The following DGKG variants were observed in gnomAD, a reference collection of about 807,000 sequenced individuals.
The protein encoded by DGKG is DAG kinase gamma.
DGKG carries 78 observed loss-of-function variants against 105.3 expected under a neutral mutation model. The ratio of observed to expected loss-of-function variants is 0.74; its 90% confidence interval spans 0.62 to 0.89. The LOEUF is 0.89. Among genes scored for constraint, DGKG ranks in the 40% least tolerant of loss-of-function variants. The pLI, the probability that DGKG is intolerant of heterozygous loss-of-function variation, is 0.00. For missense variants in DGKG, 958 were observed against 1,020.1 expected, an observed-to-expected ratio of 0.94 and a Z score of 0.83; for synonymous variants, 346 against 367.1, an observed-to-expected ratio of 0.94 and a Z score of 0.66.
At chr3:186,207,596 C>T (rs529378743) in intron 21 of DGKG, 18 of 422,990 alleles carry the variant, frequency 4.3e-5, no homozygotes, top group Non-Finnish European at 5.7e-5. Context: ...GGTAGACTAA[C>T]CCCTATGCCC....
intron 21 of DGKG, among the ~76,000 whole-genome samples, chr3:186,204,240 C>A (rs1718613858): frequency 6.6e-6 from 1 of 152,128 alleles, no homozygotes; most frequent in Admixed American, 6.5e-5. Flanking sequence ...GAAACCCCAT[C>A]TCTACAAATA....
At chr3:186,167,022 G>T (rs1219951468) in intron 22 of DGKG, among the ~76,000 whole-genome samples, 3 of 152,124 alleles carry the variant, frequency 2.0e-5, no homozygotes, top group Non-Finnish European at 4.4e-5. Context: ...TAACTCCGAA[G>T]TTGTTATCAC....
chr3:186,240,051 C>G (rs568924185), intron 20 of DGKG, among the ~76,000 whole-genome samples: 1 of 152,158 alleles, frequency 6.6e-6, no homozygotes, highest in South Asian at 2.1e-4. Context: ...TCCTTGCTTT[C>G]TGGGAATTAC....
intron 17 of DGKG, among the ~76,000 whole-genome samples, chr3:186,256,027 C>T (rs1332551494): frequency 3.9e-5 from 6 of 152,142 alleles, no homozygotes; most frequent in South Asian, 4.1e-4. Flanking sequence ...TAAAGCTCTC[C>T]GCCAAAGCCT....
At chr3:186,352,542 C>T (rs762423459) in intron 1 of DGKG, among the ~76,000 whole-genome samples, 5 of 152,182 alleles carry the variant, frequency 3.3e-5, no homozygotes, top group Non-Finnish European at 5.9e-5. Context: ...TCAAAGTTAA[C>T]GTGCCCTGAA....
At chr3:186,222,617 C>T (rs1439376956) in intron 20 of DGKG, among the ~76,000 whole-genome samples, 9 of 152,104 alleles carry the variant, frequency 5.9e-5, no homozygotes, top group African/African-American at 1.7e-4. Context: ...CTGAGGCGGG[C>T]GGATCACTTG....
chr3:186,290,503 A>T (rs999705242), intron 5 of DGKG, among the ~76,000 whole-genome samples: 1 of 152,228 alleles, frequency 6.6e-6, no homozygotes, highest in African/African-American at 2.4e-5. Context: ...AACAGTGACA[A>T]AACTGGACAA....
chr3:186,344,310 C>T (rs1201585313), intron 1 of DGKG, among the ~76,000 whole-genome samples: 3 of 152,130 alleles, frequency 2.0e-5, no homozygotes, highest in Non-Finnish European at 4.4e-5. Flanking sequence ...GCACTATTCA[C>T]AATAGCAAAG....
chr3:186,234,149 A>G (rs1720298284), intron 20 of DGKG, among the ~76,000 whole-genome samples: 1 of 152,236 alleles, frequency 6.6e-6, no homozygotes, highest in Non-Finnish European at 1.5e-5. Context: ...TTCATTGATT[A>G]ATTGTGCAAA....
chr3:186,321,912 T>C (rs1725097186), intron 1 of DGKG, among the ~76,000 whole-genome samples: 1 of 152,198 alleles, frequency 6.6e-6, no homozygotes, highest in South Asian at 2.1e-4. Context: ...TCCAACTCTC[T>C]CCTTAATCCA....
At chr3:186,311,089 G>A (rs1001334498) in intron 2 of DGKG, among the ~76,000 whole-genome samples, 1 of 152,166 alleles carries the variant, frequency 6.6e-6, no homozygotes, top group African/African-American at 2.4e-5. Flanking sequence ...CTGCCTGCAT[G>A]TTGAAATCAC....
At chr3:186,195,245 C>T (rs1165577107) in intron 21 of DGKG, among the ~76,000 whole-genome samples, 2 of 151,916 alleles carry the variant, frequency 1.3e-5, no homozygotes, top group African/African-American at 4.8e-5. Flanking sequence ...CCCCAGTTCA[C>T]TTTATCACCA....
chr3:186,243,710 C>T (rs534806123), intron 19 of DGKG, among the ~76,000 whole-genome samples: 1 of 152,176 alleles, frequency 6.6e-6, no homozygotes, highest in African/African-American at 2.4e-5. Flanking sequence ...AATAAACAGG[C>T]TAATTGAGCC....
intron 1 of DGKG, among the ~76,000 whole-genome samples, chr3:186,353,024 A>G (rs1359198886): frequency 1.3e-5 from 2 of 152,208 alleles, no homozygotes; most frequent in Non-Finnish European, 2.9e-5. Flanking sequence ...TTTTTGCTCC[A>G]GCAACACTGA....
intron 1 of DGKG, among the ~76,000 whole-genome samples, chr3:186,331,921 C>T (rs1437132548): frequency 6.6e-6 from 1 of 152,192 alleles, no homozygotes. Context: ...GTTTTATGCC[C>T]ATTTAACATC....
At chr3:186,225,501 C>A (rs568008821) in intron 20 of DGKG, among the ~76,000 whole-genome samples, 3 of 152,236 alleles carry the variant, frequency 2.0e-5, no homozygotes, top group Admixed American at 1.3e-4. Flanking sequence ...TGGGGCCTGG[C>A]AATGTGTTTA....
chr3:186,335,238 A>T (rs1268519956), intron 1 of DGKG, among the ~76,000 whole-genome samples: 3 of 151,102 alleles, frequency 2.0e-5, no homozygotes, highest in African/African-American at 7.3e-5. Flanking sequence ...CACCTGGCTA[A>T]TTTTTTTTTA....
chr3:186,237,779 TA>T (rs1720487130), intron 20 of DGKG, among the ~76,000 whole-genome samples: 1 of 152,162 alleles, frequency 6.6e-6, no homozygotes, highest in Admixed American at 6.5e-5. Context: ...CCCCACTGCC[TA>T]AAAAATACAT....
chr3:186,207,790 G>A (rs1301687677), intron 21 of DGKG, among the ~76,000 whole-genome samples: 1 of 152,220 alleles, frequency 6.6e-6, no homozygotes, highest in Admixed American at 6.5e-5. Context: ...GGCAGGGCCA[G>A]GAGTGATTTG....
Sources: gnomAD v4.1 joint callset for allele counts (sites outside exome capture counted in the v4.1 genomes callset) on GRCh38, gnomAD v4.1.1 for gene constraint, MANE v1.5 for transcripts, NCBI Gene and HGNC (gene_info 2026-07-23, HGNC 2026-07-21) for gene names.